Variants in CABLES2 observed in about 807,000 individuals in gnomAD.
The protein encoded by CABLES2 is Cdk5 and Abl enzyme substrate 2.
CABLES2 carries 35 observed loss-of-function variants against 44.8 expected under a neutral mutation model. The observed-to-expected ratio is 0.78, with a 90% confidence interval of 0.60 to 1.04. The LOEUF (loss-of-function observed/expected upper bound fraction) is 1.04. Among genes scored for constraint, CABLES2 ranks in the 50% least tolerant of loss-of-function variants. The probability of loss-of-function intolerance (pLI) is 0.00; values close to 1 mark genes in which losing one functional copy is unlikely to be tolerated. For synonymous variants in CABLES2, 282 were observed against 281.1 expected (o/e 1.00, Z -0.03); for missense variants, 566 against 615.7 (o/e 0.92, Z 0.85).
At chr20:62,394,382 C>T (rs893287287) in intron 4 of CABLES2, 117 bp from the exon 5 acceptor site, 11 of 758,386 alleles carry the variant, frequency 1.5e-5, no homozygotes, top group African/African-American at 6.9e-5. Context: ...CACAGCCCCT[C>T]GGGAAAGAAA....
rs939042964 is a variant in CABLES2 at position 62,407,217 on chromosome 20, C to T, written c.60G>A (p.Pro20=). 3.2e-6 allele frequency: 3 copies of T among 950,790 alleles called. No homozygotes were observed. Among genetic ancestry groups the T allele is most frequent in the African/African-American group, 1.8e-5 (1 of 55,038 alleles). The allele number at this position is 950,790 out of a possible 1,614,324, so 58.9% of individuals were successfully genotyped here. ...PGPAPGPAGP[P]PPAAPTSAAR... is the part of the protein sequence containing the mutation. ...CGGCCGAGGTCGGCGCGGCGGGTGG[C>T]GGGGGCCCGGCGGGGCCGGGGGCCG... The change falls in exon 1 of 10, where the codon CCG becomes CCA. Residue 20 remains proline (P), a synonymous_variant. Coordinates refer to ENST00000279101, the MANE Select transcript of CABLES2 (RefSeq NM_031215.3).
At chr20:62,397,993 T>TGAC (rs1988066375) in intron 1 of CABLES2, among the ~76,000 whole-genome samples, 1 of 87,330 alleles carries the variant, frequency 1.1e-5, no homozygotes, top group Non-Finnish European at 2.4e-5. Flanking sequence ...GCGGTGGTGG[T>TGAC]GATGATGGTG....
intron 3 of CABLES2, 41 bp from the exon 4 acceptor site, chr20:62,395,055 G>C: frequency 6.8e-7 from 1 of 1,467,842 alleles, no homozygotes; most frequent in Middle Eastern, 1.7e-4. Flanking sequence ...GCCGGGGAGC[G>C]GGGCTCAAGG....
intron 3 of CABLES2, 142 bp from the exon 4 acceptor site, chr20:62,395,156 G>A (rs893620848): frequency 1.5e-6 from 1 of 687,238 alleles, no homozygotes; most frequent in African/African-American, 1.8e-5. Context: ...TGTCCAAGGG[G>A]ACTTGAGCCC....
At chr20:62,394,041 T>G in intron 5 of CABLES2, 116 bp downstream of exon 5, 1 of 838,998 alleles carries the variant, frequency 1.2e-6, no homozygotes, top group Admixed American at 1.9e-5. Flanking sequence ...CCCTTGCGTT[T>G]TACGTGGAGT....
intron 1 of CABLES2, among the ~76,000 whole-genome samples, chr20:62,406,396 C>T (rs1988285330): frequency 6.6e-6 from 1 of 151,898 alleles, no homozygotes; most frequent in South Asian, 2.1e-4. Flanking sequence ...GGGGGCATGT[C>T]CAGAACCCAC....
chr20:62,394,302 G>T, intron 4 of CABLES2, 37 bp from the exon 5 acceptor site: 2 of 1,556,446 alleles, frequency 1.3e-6, no homozygotes, highest in Non-Finnish European at 8.8e-7. Flanking sequence ...TGTGGTCTGC[G>T]CTGAACTCAG....
At chr20:62,397,947 A>ATGG (rs1569017191) in intron 1 of CABLES2, among the ~76,000 whole-genome samples, 4 of 7,218 alleles carry the variant, frequency 5.5e-4, no homozygotes, top group East Asian at 3.8e-3. Flanking sequence ...GATGGTGGTG[A>ATGG]CGGTAGTGGT....
At chr20:62,397,539 C>T (rs936999109) in intron 1 of CABLES2, among the ~76,000 whole-genome samples, 1 of 152,244 alleles carries the variant, frequency 6.6e-6, no homozygotes, top group African/African-American at 2.4e-5. Context: ...AGACCCTCAA[C>T]ACTCGGGACC....
chr20:62,401,782 C>T (rs905944392), intron 1 of CABLES2, among the ~76,000 whole-genome samples: 2 of 152,180 alleles, frequency 1.3e-5, no homozygotes, highest in Non-Finnish European at 2.9e-5. Context: ...GGGGGATTGG[C>T]CTGTGTCTCC....
intron 1 of CABLES2, chr20:62,405,078 G>T: frequency 6.6e-6 from 1 of 152,222 alleles, no homozygotes. Context: ...GGTGCACACA[G>T]GGGTGCATGA....
chr20:62,400,494 A>G (rs7362041), intron 1 of CABLES2, among the ~76,000 whole-genome samples: 95,298 of 152,138 alleles, frequency 0.63, 31,885 homozygotes, highest in African/African-American at 0.85. Context: ...GAAAGAAGCC[A>G]GTGAAGGAGG....
At chr20:62,404,555 T>A (rs1210508006) in intron 1 of CABLES2, 1 of 152,328 alleles carries the variant, frequency 6.6e-6, no homozygotes, top group African/African-American at 2.4e-5. Flanking sequence ...CTTCCCTCGA[T>A]CAGCAGCCAG....
chr20:62,399,403 C>T (rs535979054), intron 1 of CABLES2, among the ~76,000 whole-genome samples: 15 of 151,712 alleles, frequency 9.9e-5, no homozygotes, highest in African/African-American at 2.4e-4. Flanking sequence ...CCCGCCACCA[C>T]GCTCAGCTAA....
intron 1 of CABLES2, among the ~76,000 whole-genome samples, chr20:62,397,951 T>TG (rs1569017203): frequency 2.1e-4 from 5 of 24,116 alleles, no homozygotes; most frequent in Admixed American, 8.1e-4. Context: ...GTGGTGACGG[T>TG]AGTGGTGGTG....
intron 5 of CABLES2, 123 bp from the exon 6 acceptor site, chr20:62,393,728 A>C (rs1601472346): frequency 1.9e-6 from 2 of 1,062,886 alleles, no homozygotes; most frequent in Non-Finnish European, 2.7e-6. Context: ...GAAGGGAACA[A>C]CTCAGATCAA....
intron 1 of CABLES2, among the ~76,000 whole-genome samples, chr20:62,397,954 T>TGATGGCGGTGATGGTGATGGTTATGGC (rs1366760733): frequency 1.6e-5 from 2 of 124,068 alleles, no homozygotes; most frequent in South Asian, 2.6e-4. Context: ...GTGACGGTAG[T>TGATGGCGGTGATGGTGATGGTTATGGC]GGTGGTGATG....
chr20:62,405,932 G>A (rs985938931), intron 1 of CABLES2: 1 of 152,812 alleles, frequency 6.5e-6, no homozygotes, highest in East Asian at 1.9e-4. Flanking sequence ...AGGTCCTGTG[G>A]TCTCTGGGAG....
At chr20:62,398,201 GGTGATGGTGAT>G (rs1422389400) in intron 1 of CABLES2, among the ~76,000 whole-genome samples, 2 of 133,010 alleles carry the variant, frequency 1.5e-5, no homozygotes, top group South Asian at 4.9e-4. Context: ...TGATGATGGT[GGTGATGGTGAT>G]GTGATGGTGG....
Sources: allele counts gnomAD v4.1 joint callset (sites outside exome capture counted in the v4.1 genomes callset), GRCh38; gene constraint gnomAD v4.1.1; transcripts MANE v1.5; gene names NCBI Gene and HGNC (gene_info 2026-07-23, HGNC 2026-07-21).